Variants in KANK1 observed in about 807,000 individuals in gnomAD.
The protein encoded by KANK1 is KN motif and ankyrin repeat domain-containing protein 1.
In KANK1, 109 loss-of-function variants were observed where a neutral mutation model predicts 106.2. The ratio of observed to expected loss-of-function variants is 1.03; its 90% CI spans 0.88 to 1.20. The LOEUF (loss-of-function observed/expected upper bound fraction) is 1.20. Ranked by LOEUF, KANK1 falls within the 50% of genes most tolerant of loss-of-function variation. KANK1 has a pLI of 0.00. For missense variants in KANK1, 2,399 were observed against 1,710.7 expected (o/e 1.40, Z -7.10); for synonymous variants, 873 against 652.2 (o/e 1.34, Z -5.16).
At chr9:671,329 A>AC (rs1845852154) in intron 1 of KANK1, among the ~76,000 whole-genome samples, 1 of 152,038 alleles carries the variant, frequency 6.6e-6, no homozygotes, top group East Asian at 1.9e-4. Flanking sequence ...AGCCTGCTCT[A>AC]GTAATTCTGT....
At position 554,678 on chromosome 9, in the gene KANK1, G is replaced by A. The variant is rs148422292; in HGVS notation, c.-84+49924G>A. On this transcript the variant is annotated intron_variant, in intron 1 of 11. Transcript: ENST00000382297. ...AATCTTCCATCAACTGTTAGAGAAC[G>A]ATGTTAACATCACTCATAGGAATGC... Among the ~76,000 whole-genome samples the A allele has an allele frequency of 8.7e-4, 133 of 152,258 alleles. 2 individuals are homozygous for A. Among genetic ancestry groups the A allele is most frequent in the African/African-American group, 3.0e-3 (125 of 41,556 alleles).
upstream of KANK1, among the ~76,000 whole-genome samples, chr9:503,749 C>T (rs1378299770): frequency 6.6e-6 from 1 of 152,164 alleles, no homozygotes; most frequent in African/African-American, 2.4e-5. Flanking sequence ...TCTGTTTGTT[C>T]AAGCCACCTT....
intron 1 of KANK1, among the ~76,000 whole-genome samples, chr9:635,398 C>T (rs142047823): frequency 2.0e-5 from 3 of 152,254 alleles, no homozygotes; most frequent in African/African-American, 4.8e-5. Flanking sequence ...TGGGGCATGC[C>T]TGCGCTGCTC....
chr9:662,665 A>AT (rs34481151), intron 1 of KANK1, among the ~76,000 whole-genome samples: 2,631 of 141,706 alleles, frequency 0.019, 98 homozygotes, highest in African/African-American at 0.062. Flanking sequence ...ACAAAAGTTA[A>AT]TTTTTTTTTT....
At chr9:579,201 C>T (rs1023766474) in intron 1 of KANK1, among the ~76,000 whole-genome samples, 1 of 152,088 alleles carries the variant, frequency 6.6e-6, no homozygotes, top group African/African-American at 2.4e-5. Flanking sequence ...CTTCCCCGAC[C>T]CACCCACCCT....
chr9:650,618 T>A (rs536513802), intron 1 of KANK1, among the ~76,000 whole-genome samples: 5 of 152,140 alleles, frequency 3.3e-5, no homozygotes, highest in Non-Finnish European at 7.3e-5. Context: ...TTGTGAAATA[T>A]GCAGATGAGA....
At chr9:619,985 A>G (rs762721863) in intron 1 of KANK1, among the ~76,000 whole-genome samples, 14 of 152,124 alleles carry the variant, frequency 9.2e-5, no homozygotes, top group Non-Finnish European at 1.9e-4. Flanking sequence ...AAAAATAAGA[A>G]AATTAGCCTA....
chr9:717,818 G>C (rs1378572598), intron 3 of KANK1, among the ~76,000 whole-genome samples: 1 of 152,030 alleles, frequency 6.6e-6, no homozygotes, highest in Non-Finnish European at 1.5e-5. Flanking sequence ...ATGACTTACA[G>C]ATACTCTAAA....
intron 1 of KANK1, among the ~76,000 whole-genome samples, chr9:536,577 C>T (rs1201641690): frequency 6.6e-6 from 1 of 152,152 alleles, no homozygotes; most frequent in African/African-American, 2.4e-5. Context: ...CCCTTTTACG[C>T]CTGACATTTC....
intron 1 of KANK1, among the ~76,000 whole-genome samples, chr9:631,100 G>A (rs1271945834): frequency 6.6e-6 from 1 of 152,174 alleles, no homozygotes; most frequent in Non-Finnish European, 1.5e-5. Flanking sequence ...TTTTGCTGCT[G>A]TTATTGTTGT....
intron 1 of KANK1, among the ~76,000 whole-genome samples, chr9:589,121 A>G (rs1824211760): frequency 6.6e-6 from 1 of 152,336 alleles, no homozygotes; most frequent in South Asian, 2.1e-4. Flanking sequence ...AATAACTAGA[A>G]TGTTAAAGTG....
At chr9:657,429 A>T (rs1180944596) in intron 1 of KANK1, among the ~76,000 whole-genome samples, 3 of 151,952 alleles carry the variant, frequency 2.0e-5, no homozygotes, top group African/African-American at 7.3e-5. Context: ...TCTATTTCTT[A>T]TTTTTTTGAG....
intron 2 of KANK1, chr9:707,162 A>AG: frequency 1.0e-6 from 1 of 985,454 alleles, no homozygotes; most frequent in African/African-American, 1.7e-5. Flanking sequence ...GTGAGGATCG[A>AG]GGGCGCCCGA....
intron 3 of KANK1, among the ~76,000 whole-genome samples, chr9:480,970 A>G (rs1216813901): frequency 6.6e-6 from 1 of 152,214 alleles, no homozygotes; most frequent in Non-Finnish European, 1.5e-5. Flanking sequence ...CAATAAACCC[A>G]CCTAAGTGAA....
intron 1 of KANK1, among the ~76,000 whole-genome samples, chr9:599,742 T>A (rs1417331731): frequency 6.6e-6 from 1 of 151,850 alleles, no homozygotes; most frequent in Non-Finnish European, 1.5e-5. Flanking sequence ...AAAACTTGCA[T>A]AAAGAGAGAA....
chr9:622,812 G>A (rs938296350), intron 1 of KANK1, among the ~76,000 whole-genome samples: 1 of 152,112 alleles, frequency 6.6e-6, no homozygotes, highest in Non-Finnish European at 1.5e-5. Context: ...TGAGGCAGGA[G>A]AATGGCTTGA....
At chr9:593,313 A>C (rs1825431808) in intron 1 of KANK1, among the ~76,000 whole-genome samples, 1 of 151,864 alleles carries the variant, frequency 6.6e-6, no homozygotes, top group Non-Finnish European at 1.5e-5. Context: ...ACATATTCAA[A>C]CAATAAAACA....
At chr9:502,356 CTAAAT>C (rs1038513044), upstream of KANK1, among the ~76,000 whole-genome samples, 32 of 152,072 alleles carry the variant, frequency 2.1e-4, no homozygotes, top group African/African-American at 7.7e-4. Context: ...AATAAAATAA[CTAAAT>C]TAAAAATGAA....
chr9:566,036 G>GCT (rs1181408986), intron 1 of KANK1, among the ~76,000 whole-genome samples: 1 of 152,072 alleles, frequency 6.6e-6, no homozygotes, highest in Non-Finnish European at 1.5e-5. Context: ...CCTCCATTAG[G>GCT]CTGCAGTGTC....
Sources: gnomAD v4.1 joint callset for allele counts (sites outside exome capture counted in the v4.1 genomes callset) on GRCh38, gnomAD v4.1.1 for gene constraint, MANE v1.5 for transcripts, NCBI Gene and HGNC (gene_info 2026-07-23, HGNC 2026-07-21) for gene names.